Variants in NDUFA10 observed in about 807,000 individuals in gnomAD.
The protein encoded by NDUFA10 is NADH dehydrogenase [ubiquinone] 1 alpha subcomplex subunit 10, mitochondrial.
In NDUFA10, 40 loss-of-function variants were observed where a neutral mutation model predicts 47.8. The ratio of observed to expected loss-of-function variants is 0.84; its 90% CI spans 0.65 to 1.09. The LOEUF (loss-of-function observed/expected upper bound fraction) is 1.09. Among genes scored for constraint, NDUFA10 ranks in the 50% least tolerant of loss-of-function variants. The probability of loss-of-function intolerance (pLI) is 0.00; values close to 1 mark genes in which losing one functional copy is unlikely to be tolerated. For synonymous variants in NDUFA10, 183 were observed against 172.2 expected (o/e 1.06, Z -0.49); for missense variants, 413 against 451.1 (o/e 0.92, Z 0.76).
rs900299664 is a variant in NDUFA10 at position 239,929,331 on chromosome 2, T to C, written c.295-34017A>G. ...CCGATGACTGAGTTGTCGAAGGTGG[T>C]TGAGAATGGGAAGGAGGGGCCAGGG... On this transcript the variant is annotated intron_variant, in intron 4 of 5. Coordinates refer to the NDUFA10 transcript ENST00000419408. Among the ~76,000 whole-genome samples, 52 of 152,096 alleles carry C rather than the reference T, an allele frequency of 3.4e-4. 1 individual carries two copies. Among genetic ancestry groups the C allele is most frequent in the Admixed American group, 3.2e-3 (49 of 15,274 alleles).
chr2:239,943,314 T>C (rs77027641), intron 4 of NDUFA10, among the ~76,000 whole-genome samples: 11,723 of 152,218 alleles, frequency 0.077, 540 homozygotes, highest in Admixed American at 0.14. Context: ...CTTTTGCTTA[T>C]TTTATTGGCT....
chr2:239,987,088 A>T lies in NDUFA10; in HGVS notation c.999+2986T>A, dbSNP rs966679761. 1.3e-5 allele frequency among the ~76,000 whole-genome samples: 2 copies of T among 152,166 alleles called. No homozygotes were observed. The highest frequency in any genetic ancestry group is 2.9e-5 in the Non-Finnish European group (2 of 68,028). ...AATTCAATGCAGGCCATCACCCTGG[A>T]TTGGCTATTCTTGCTCAGAAGAACA... On this transcript the variant is annotated intron_variant, in intron 9 of 9. Coordinates refer to ENST00000252711, the MANE Select transcript of NDUFA10 (RefSeq NM_004544.4). The surrounding 1 kb of genome is among the most constrained non-coding windows in gnomAD (Gnocchi z 4.8).
intron 4 of NDUFA10, among the ~76,000 whole-genome samples, chr2:239,912,250 T>C (rs1481850824): frequency 6.6e-6 from 1 of 152,152 alleles, no homozygotes; most frequent in African/African-American, 2.4e-5. Context: ...GCTGCCTACC[T>C]GGGAACATCT....
chr2:239,981,914 G>A (rs79624982), intron 9 of NDUFA10, among the ~76,000 whole-genome samples: 82 of 150,954 alleles, frequency 5.4e-4, no homozygotes, highest in African/African-American at 1.7e-3. Context: ...AAAAAAAAAA[G>A]TCTCCCAGAA....
intron 4 of NDUFA10, among the ~76,000 whole-genome samples, chr2:239,918,084 C>A (rs74004835): frequency 0.046 from 7,033 of 152,296 alleles, 453 homozygotes; most frequent in African/African-American, 0.15. Flanking sequence ...AGGGGAAGGG[C>A]CTCTGTCTCT....
At chr2:239,894,089 C>T (rs2106458604) in intron 5 of NDUFA10, among the ~76,000 whole-genome samples, 1 of 149,598 alleles carries the variant, frequency 6.7e-6, no homozygotes. Context: ...TCCTCAGCTC[C>T]ATCCCAGCCT....
intron 8 of NDUFA10, among the ~76,000 whole-genome samples, chr2:239,998,637 T>C (rs78777458): frequency 0.013 from 2,035 of 152,252 alleles, 43 homozygotes; most frequent in African/African-American, 0.046. Flanking sequence ...ACACCTGCCT[T>C]CTTTCTGGGA....
At chr2:239,963,317 G>T (rs150627598) in intron 9 of NDUFA10, among the ~76,000 whole-genome samples, 1 of 152,220 alleles carries the variant, frequency 6.6e-6, no homozygotes, top group South Asian at 2.1e-4. Flanking sequence ...CCAGGGAGGC[G>T]TCAGGAGAGT....
chr2:240,009,462 G>T (rs1167195157), intron 6 of NDUFA10, among the ~76,000 whole-genome samples: 1 of 152,260 alleles, frequency 6.6e-6, no homozygotes, highest in Non-Finnish European at 1.5e-5. Flanking sequence ...GTACGCCTAA[G>T]ATCTGGGTCA....
intron 4 of NDUFA10, among the ~76,000 whole-genome samples, chr2:239,942,514 G>A (rs1039512843): frequency 7.9e-5 from 12 of 152,226 alleles, no homozygotes; most frequent in Non-Finnish European, 1.8e-4. Context: ...TTTGCTTCCT[G>A]AGGTCTGACA....
chr2:240,018,586 C>T lies in NDUFA10; in HGVS notation c.514G>A (p.Ala172Thr), dbSNP rs1442750306. ...CGGATGAATCCCTGGTTGTACATCG[C>T]CTCCAGGAACACAAAGTCACTGAAG... ...SIFSDFVFLEAMYNQGFIRKQ... is the reference protein window; with the variant it reads ...SIFSDFVFLETMYNQGFIRKQ... Residue 172 changes from alanine (A) to threonine (T), a missense_variant, in exon 4 of 10, where the codon GCG (alanine) becomes ACG (threonine). Physicochemically the swap from Ala to Thr is moderately conservative, Grantham distance 58. Coordinates refer to ENST00000252711, the MANE Select transcript of NDUFA10 (RefSeq NM_004544.4). The T allele has an allele frequency of 6.2e-7, 1 of 1,614,054 alleles. No homozygotes were observed. The highest frequency in any genetic ancestry group is 8.5e-7 in the Non-Finnish European group (1 of 1,180,048).
At chr2:240,023,797 G>A (rs773073940) in intron 1 of NDUFA10, among the ~76,000 whole-genome samples, 13 of 152,184 alleles carry the variant, frequency 8.5e-5, no homozygotes, top group Non-Finnish European at 1.6e-4. Context: ...TACAAAACAA[G>A]GCAAAGCAGA....
intron 4 of NDUFA10, among the ~76,000 whole-genome samples, chr2:239,898,223 G>A (rs924573112): frequency 1.3e-5 from 2 of 152,212 alleles, no homozygotes; most frequent in African/African-American, 4.8e-5. Flanking sequence ...AAATAATGAT[G>A]TTTATACCAA....
At chr2:239,949,695 G>A (rs1694520112) in intron 4 of NDUFA10, among the ~76,000 whole-genome samples, 1 of 152,010 alleles carries the variant, frequency 6.6e-6, no homozygotes. Context: ...TGTTGCCCGG[G>A]CTGGTCTCCA....
At chr2:239,938,857 G>A (rs1228710867) in intron 4 of NDUFA10, among the ~76,000 whole-genome samples, 1 of 134,910 alleles carries the variant, frequency 7.4e-6, no homozygotes, top group Admixed American at 7.3e-5. Context: ...ACAAGTGCAT[G>A]AGCTGAGCAA....
intron 9 of NDUFA10, chr2:239,969,653 G>A (rs1431015871): frequency 8.5e-6 from 4 of 471,100 alleles, no homozygotes; most frequent in East Asian, 6.9e-5. Flanking sequence ...GCAAGGAAGA[G>A]CAAAGGCTCT....
intron 4 of NDUFA10, among the ~76,000 whole-genome samples, chr2:239,907,490 T>C (rs1693675941): frequency 1.3e-5 from 2 of 152,194 alleles, no homozygotes; most frequent in Non-Finnish European, 2.9e-5. Flanking sequence ...GTTTTTATGA[T>C]CTACCCATCT....
chr2:239,963,917 C>T (rs945453643), intron 9 of NDUFA10, among the ~76,000 whole-genome samples: 10 of 152,316 alleles, frequency 6.6e-5, no homozygotes, highest in South Asian at 6.2e-4. Flanking sequence ...CCTCGCGTCA[C>T]GGTCACCAGA....
intron 9 of NDUFA10, among the ~76,000 whole-genome samples, chr2:239,988,382 A>C (rs1044903519): frequency 1.3e-5 from 2 of 152,188 alleles, no homozygotes; most frequent in Admixed American, 6.5e-5. Flanking sequence ...TAAAACATAC[A>C]TGAGACAAAA....
Sources: gnomAD v4.1 joint callset for allele counts (sites outside exome capture counted in the v4.1 genomes callset) on GRCh38, gnomAD v4.1.1 for gene constraint, Gnocchi (gnomAD v3.1) non-coding constraint, MANE v1.5 for transcripts, NCBI Gene and HGNC (gene_info 2026-07-23, HGNC 2026-07-21) for gene names.